Variants in STPG2 observed in about 807,000 individuals in gnomAD.
The protein encoded by STPG2 is sperm-tail PG-rich repeat-containing protein 2.
A neutral mutation model predicts 54.2 loss-of-function variants in STPG2; 56 were observed. That is an observed-to-expected ratio of 1.03 (90% CI 0.83 to 1.29). The LOEUF (loss-of-function observed/expected upper bound fraction) is 1.29, where lower values mean the gene tolerates loss of function less well. Ranked by LOEUF, STPG2 falls within the 50% of genes most tolerant of loss-of-function variation. The probability of loss-of-function intolerance (pLI) is 0.00; values close to 1 mark genes in which losing one functional copy is unlikely to be tolerated. For synonymous variants in STPG2, 200 were observed against 181.8 expected (o/e 1.10, Z -0.81); for missense variants, 596 against 544.9 (o/e 1.09, Z -0.93).
intron 9 of STPG2, among the ~76,000 whole-genome samples, chr4:97,822,055 G>A (rs1728111248): frequency 6.6e-6 from 1 of 152,148 alleles, no homozygotes; most frequent in South Asian, 2.1e-4. Context: ...TACATGGCCA[G>A]GCTGCAAATT....
intron 4 of STPG2, among the ~76,000 whole-genome samples, chr4:97,477,419 A>G (rs1246602705): frequency 6.7e-6 from 1 of 149,822 alleles, no homozygotes; most frequent in East Asian, 2.0e-4. Flanking sequence ...ATTTTATATC[A>G]TTGTAATCTA....
At chr4:98,008,882 T>C (rs1024225673) in intron 5 of STPG2, among the ~76,000 whole-genome samples, 1 of 152,102 alleles carries the variant, frequency 6.6e-6, no homozygotes, top group Non-Finnish European at 1.5e-5. Flanking sequence ...AAGTTGTATA[T>C]TCCAGGAAGC....
intron 8 of STPG2, among the ~76,000 whole-genome samples, chr4:97,883,259 G>A (rs1276390188): frequency 1.3e-5 from 2 of 151,538 alleles, no homozygotes; most frequent in Non-Finnish European, 2.9e-5. Flanking sequence ...TTGTTGGTGT[G>A]CTCCTGTAGT....
intron 3 of STPG2, among the ~76,000 whole-genome samples, chr4:98,110,122 T>C (rs1560683719): frequency 6.6e-6 from 1 of 152,124 alleles, no homozygotes; most frequent in South Asian, 2.1e-4. Flanking sequence ...AGTTTAACAA[T>C]GTGTCAAGTT....
intron 6 of STPG2, among the ~76,000 whole-genome samples, chr4:97,978,039 G>A (rs796948235): frequency 7.2e-5 from 11 of 152,226 alleles, no homozygotes; most frequent in African/African-American, 2.4e-4. Context: ...AAATTTCCAG[G>A]CTGAATTTCA....
At chr4:98,017,630 C>A (rs7672901) in intron 5 of STPG2, among the ~76,000 whole-genome samples, 1 of 151,934 alleles carries the variant, frequency 6.6e-6, no homozygotes, top group African/African-American at 2.4e-5. Flanking sequence ...GAAACCTTAG[C>A]GCTTGTGAAC....
chr4:97,862,301 C>T (rs902490088), intron 8 of STPG2, among the ~76,000 whole-genome samples: 2 of 151,876 alleles, frequency 1.3e-5, no homozygotes, highest in Non-Finnish European at 2.9e-5. Context: ...CAATCCTAGT[C>T]TATGATAAAA....
At chr4:97,556,019 A>G (rs1732069145), downstream of STPG2, among the ~76,000 whole-genome samples, 1 of 152,166 alleles carries the variant, frequency 6.6e-6, no homozygotes, top group African/African-American at 2.4e-5. Flanking sequence ...AAGGCATAAA[A>G]GAATCTTATC....
At chr4:98,052,159 T>C (rs1322162419) in intron 5 of STPG2, among the ~76,000 whole-genome samples, 1 of 151,526 alleles carries the variant, frequency 6.6e-6, no homozygotes, top group African/African-American at 2.4e-5. Context: ...ATTTCTCAAG[T>C]GGGGAAAAAG....
intron 9 of STPG2, among the ~76,000 whole-genome samples, chr4:97,794,343 AGAATGATGTCT>A (rs1319983928): frequency 5.9e-5 from 9 of 152,258 alleles, no homozygotes; most frequent in South Asian, 2.1e-4. Flanking sequence ...CTAACAAAAC[AGAATGATGTCT>A]TAAGTTATAG....
At chr4:98,025,588 T>C (rs1736389666) in intron 5 of STPG2, 13 of 742,876 alleles carry the variant, frequency 1.7e-5, no homozygotes, top group Non-Finnish European at 3.0e-5. Context: ...CTTATGCCCA[T>C]ATAGACAGGG....
chr4:97,978,404 C>A (rs1472236701), intron 6 of STPG2, among the ~76,000 whole-genome samples: 1 of 152,148 alleles, frequency 6.6e-6, no homozygotes, highest in African/African-American at 2.4e-5. Context: ...CAAACTAACA[C>A]AGAAACATAA....
At chr4:97,993,067 C>T (rs1735072383) in intron 5 of STPG2, among the ~76,000 whole-genome samples, 1 of 152,086 alleles carries the variant, frequency 6.6e-6, no homozygotes, top group Non-Finnish European at 1.5e-5. Context: ...AATTTGGATA[C>T]CCTTTATTTC....
intron 4 of STPG2, among the ~76,000 whole-genome samples, chr4:97,442,634 C>T (rs1233701182): frequency 6.6e-6 from 1 of 151,950 alleles, no homozygotes; most frequent in Non-Finnish European, 1.5e-5. Context: ...TCTGGCTTTG[C>T]CTGCTGAAGG....
At chr4:97,842,238 A>G (rs1329509473) in intron 8 of STPG2, among the ~76,000 whole-genome samples, 1 of 151,842 alleles carries the variant, frequency 6.6e-6, no homozygotes, top group Admixed American at 6.6e-5. Context: ...TCCCATGTTA[A>G]ACATGAAATG....
chr4:97,533,044 G>A (rs578231095), intron 4 of STPG2, among the ~76,000 whole-genome samples: 42 of 151,898 alleles, frequency 2.8e-4, no homozygotes, highest in African/African-American at 8.0e-4. Context: ...CACCACACCC[G>A]GCTAATTTTT....
At chr4:97,927,317 T>A (rs553578232) in intron 8 of STPG2, among the ~76,000 whole-genome samples, 1 of 152,136 alleles carries the variant, frequency 6.6e-6, no homozygotes, top group Non-Finnish European at 1.5e-5. Flanking sequence ...AATGTTGGTA[T>A]AATTTTTGTG....
At chr4:97,482,027 GGCT>G (rs899178828) in intron 4 of STPG2, among the ~76,000 whole-genome samples, 1 of 151,234 alleles carries the variant, frequency 6.6e-6, no homozygotes, top group African/African-American at 2.4e-5. Flanking sequence ...ATCTCTAGTT[GGCT>G]GCTAATTTTT....
At chr4:97,481,750 T>A (rs1014901394) in intron 4 of STPG2, among the ~76,000 whole-genome samples, 9 of 151,616 alleles carry the variant, frequency 5.9e-5, no homozygotes, top group African/African-American at 2.2e-4. Context: ...TTTGTAAGCT[T>A]GTTTTATTTT....
Sources: allele counts gnomAD v4.1 joint callset (sites outside exome capture counted in the v4.1 genomes callset), GRCh38; gene constraint gnomAD v4.1.1; transcripts MANE v1.5; gene names NCBI Gene and HGNC (gene_info 2026-07-23, HGNC 2026-07-21).